Variants in TMEM220 observed in about 807,000 individuals in gnomAD.
TMEM220 encodes the protein transmembrane protein 220.
In TMEM220, 21 loss-of-function variants were observed where a neutral mutation model predicts 21.7. The observed-to-expected ratio is 0.97, with a 90% CI of 0.69 to 1.39. The LOEUF is 1.39. Ranked by LOEUF, TMEM220 falls within the 40% of genes most tolerant of loss-of-function variation. TMEM220 has a pLI of 0.00. For synonymous variants in TMEM220, 80 were observed against 73.6 expected, an observed-to-expected ratio of 1.09 and a Z score of -0.45; for missense variants, 191 against 201.9, an observed-to-expected ratio of 0.95 and a Z score of 0.33.
chr17:10,726,361 G>A (rs2075049437), intron 2 of TMEM220, 97 bp from the exon 3 acceptor site: 1 of 994,280 alleles, frequency 1.0e-6, no homozygotes, highest in Non-Finnish European at 1.6e-6. Flanking sequence ...TGAGATCAGT[G>A]GCTGCTGTGC....
In TMEM220 at chr17:10,729,057, T is replaced by C. The variant is rs1394200189; in HGVS notation, c.76A>G (p.Asn26Asp). 4 of 1,614,180 alleles carry C rather than the reference T, an allele frequency of 2.5e-6. No homozygotes were observed. Among genetic ancestry groups the C allele is most frequent in the Non-Finnish European group, 3.4e-6 (4 of 1,180,018 alleles). ...ACCCACACCTCTGCATCTGGGTCAT[T>C]TACCTGGAACGCCAGAATACCAAGG... Reference protein sequence around the residue: ...FFALAALVQVNDPDAEVWVVV... With the variant: ...FFALAALVQVDDPDAEVWVVV... The change falls in exon 2 of 6, where the codon AAT (asparagine) becomes GAT (aspartate). Residue 26 changes from asparagine to aspartate, a missense_variant. Coordinates refer to ENST00000341871, the MANE Select transcript of TMEM220 (RefSeq NM_001004313.3).
chr17:10,724,211 A>G (rs905598358), intron 4 of TMEM220, among the ~76,000 whole-genome samples: 1 of 152,208 alleles, frequency 6.6e-6, no homozygotes, highest in Non-Finnish European at 1.5e-5. Context: ...GGAAGAGGTG[A>G]TAAAATAGGA....
intron 5 of TMEM220, among the ~76,000 whole-genome samples, chr17:10,721,358 C>A (rs2074985979): frequency 6.6e-6 from 1 of 152,078 alleles, no homozygotes; most frequent in Non-Finnish European, 1.5e-5. Flanking sequence ...CCTGTAATCC[C>A]AGCACTTTGG....
intron 2 of TMEM220, among the ~76,000 whole-genome samples, chr17:10,728,101 G>A (rs986766521): frequency 4.6e-5 from 7 of 151,630 alleles, no homozygotes; most frequent in East Asian, 1.9e-4. Context: ...TAGAGGTTGC[G>A]GTGAGCCTAG....
chr17:10,711,457 A>C (rs190733292), downstream of TMEM220, among the ~76,000 whole-genome samples: 560 of 152,302 alleles, frequency 3.7e-3, no homozygotes, highest in African/African-American at 0.013. Flanking sequence ...GATTGTATTC[A>C]CATGTGTTAA....
Position 10,729,974 on chromosome 17 carries a change from C to G in TMEM220, c.-123G>C. 9 of 1,222,088 alleles carry G rather than the reference C, an allele frequency of 7.4e-6. No homozygotes were observed. Among genetic ancestry groups the G allele is most frequent in the Non-Finnish European group, 9.1e-6 (9 of 983,726 alleles). The allele number at this position is 1,222,088 out of a possible 1,614,324, so 75.7% of individuals were successfully genotyped here. On this transcript the variant is annotated 5_prime_UTR_variant, in exon 1 of 6. Coordinates refer to ENST00000341871, the MANE Select transcript of TMEM220 (RefSeq NM_001004313.3). ...GAGACCCCCGCCTCGGTTTCGGTGC[C>G]TTGGGGACACTGCCGTGGCCGTCGC...
chr17:10,725,402 T>C (rs1456870709), intron 3 of TMEM220, among the ~76,000 whole-genome samples: 2 of 152,200 alleles, frequency 1.3e-5, no homozygotes, highest in Non-Finnish European at 2.9e-5. Context: ...ATGTCCACAC[T>C]CACAGTCCAT....
chr17:10,717,969 C>T (rs537929085), intron 5 of TMEM220, among the ~76,000 whole-genome samples: 526 of 152,024 alleles, frequency 3.5e-3, no homozygotes, highest in African/African-American at 0.012. Flanking sequence ...TACAGGTGCC[C>T]GCCACCATGC....
At chr17:10,725,941 A>G (rs379813) in intron 3 of TMEM220, among the ~76,000 whole-genome samples, 69,406 of 152,016 alleles carry the variant, frequency 0.46, 16,101 homozygotes, top group African/African-American at 0.51. Flanking sequence ...TTCGAGCCCC[A>G]CTAGGAGAAA....
chr17:10,725,102 G>A lies in TMEM220; in HGVS notation c.196C>T (p.His66Tyr). The change falls in exon 4 of 6, where the codon CAC (histidine) becomes TAC (tyrosine). Residue 66 changes from histidine (H) to tyrosine (Y), a missense_variant. Physicochemically the swap from His to Tyr is moderately conservative, Grantham distance 83. Coordinates refer to ENST00000341871, the MANE Select transcript of TMEM220 (RefSeq NM_001004313.3). ...NVIWKSISAI[H>Y]ILFCTVWAVG... ...GCCCACACCGTACAAAAGAGTATGT[G>A]TATTGCAGAGATACTTTTCCAAATA... The A allele has an allele frequency of 1.2e-6, 2 of 1,614,034 alleles. No individual in the cohort carries two copies. The highest frequency in any genetic ancestry group is 1.7e-6 in the Non-Finnish European group (2 of 1,179,992).
chr17:10,725,812 C>T (rs1467531170), intron 3 of TMEM220, among the ~76,000 whole-genome samples: 1 of 152,182 alleles, frequency 6.6e-6, no homozygotes, highest in Admixed American at 6.5e-5. Context: ...AACTGATCTA[C>T]CTTAAAGATG....
intron 1 of TMEM220, 78 bp downstream of exon 1, chr17:10,729,702 A>G (rs1210226308): frequency 1.6e-6 from 2 of 1,222,104 alleles, no homozygotes; most frequent in Non-Finnish European, 1.1e-6. Flanking sequence ...TCTGCCCGCT[A>G]GTCAGTTACA....
intron 1 of TMEM220, 25 bp downstream of exon 1, chr17:10,729,755 C>G (rs771608669): frequency 1.2e-5 from 16 of 1,342,000 alleles, no homozygotes; most frequent in Admixed American, 3.3e-5. Flanking sequence ...CCGGGCGGGT[C>G]CCCCTCCCAC....
Position 10,714,384 on chromosome 17 carries a change from TG to T in TMEM220, c.*1068del, listed in dbSNP as rs1450221645. The T allele has an allele frequency of 2.0e-5, 3 of 149,214 alleles. No individual in the cohort carries two copies. Among genetic ancestry groups the T allele is most frequent in the Non-Finnish European group, 3.0e-5 (2 of 67,136 alleles). 9.2% of individuals were successfully genotyped at this position (149,214 alleles called of 1,614,324 possible). A position where few individuals can be genotyped will look rare whatever the true frequency, so the allele number is the denominator to read the frequency against. ...ATCCATTTTTAAATGAAAATGGAAA[TG>T]AAAAAAAAAAAAGCTCTCCTCCCTA... On this transcript the variant is annotated 3_prime_UTR_variant, in exon 6 of 6. Coordinates refer to ENST00000341871, the MANE Select transcript of TMEM220 (RefSeq NM_001004313.3).
intron 5 of TMEM220, among the ~76,000 whole-genome samples, chr17:10,718,010 T>A (rs571943013): frequency 1.3e-5 from 2 of 152,006 alleles, no homozygotes; most frequent in Non-Finnish European, 2.9e-5. Flanking sequence ...TTAGTAGAGA[T>A]GGGGTTTCAC....
intron 5 of TMEM220, among the ~76,000 whole-genome samples, chr17:10,721,330 C>T (rs1460201717): frequency 2.0e-5 from 3 of 152,062 alleles, no homozygotes; most frequent in Admixed American, 6.6e-5. Flanking sequence ...TTAAACTGGC[C>T]GGGTGCAGTG....
At chr17:10,724,957 C>T (rs2075031708) in intron 4 of TMEM220, 54 bp downstream of exon 4, 1 of 1,611,172 alleles carries the variant, frequency 6.2e-7, no homozygotes, top group Non-Finnish European at 8.5e-7. Context: ...AAACACGATT[C>T]CTTAGTTCTA....
intron 5 of TMEM220, among the ~76,000 whole-genome samples, chr17:10,722,939 A>G (rs996321601): frequency 3.7e-4 from 55 of 149,328 alleles, no homozygotes; most frequent in Admixed American, 1.9e-3. Flanking sequence ...GTATGGCAGT[A>G]TTTTCACTTA....
intron 4 of TMEM220, 52 bp from the exon 5 acceptor site, chr17:10,723,381 A>G (rs770637161): frequency 7.4e-7 from 1 of 1,355,864 alleles, no homozygotes; most frequent in South Asian, 1.2e-5. Context: ...AGTGAGATGC[A>G]TATCATCACA....
Sources: gnomAD v4.1 joint callset for allele counts (sites outside exome capture counted in the v4.1 genomes callset) on GRCh38, gnomAD v4.1.1 for gene constraint, MANE v1.5 for transcripts, NCBI Gene and HGNC (gene_info 2026-07-23, HGNC 2026-07-21) for gene names.